Variants in CDK12 observed in about 807,000 individuals in gnomAD.
CDK12 encodes cyclin-dependent kinase 12.
A neutral mutation model predicts 133.8 loss-of-function variants in CDK12; 17 were observed. That is an observed-to-expected ratio of 0.13 (90% confidence interval 0.09 to 0.19). The LOEUF is 0.19. CDK12 is among the 10% of genes least tolerant of loss of function. CDK12 has a pLI of 1.00. For synonymous variants in CDK12, 694 were observed against 683.6 expected (o/e 1.02, Z -0.24); for missense variants, 1,508 against 1,818.7 (o/e 0.83, Z 3.11).
At chr17:39,538,646 C>T (rs1447547780), downstream of CDK12, among the ~76,000 whole-genome samples, 1 of 152,178 alleles carries the variant, frequency 6.6e-6, no homozygotes, top group South Asian at 2.1e-4. Flanking sequence ...CGCCTGTAAT[C>T]CCAGCACTTT....
chr17:39,518,631 T>C (rs182506418), intron 10 of CDK12, among the ~76,000 whole-genome samples: 5 of 151,982 alleles, frequency 3.3e-5, no homozygotes, highest in Non-Finnish European at 7.4e-5. Context: ...CGATCTTGGC[T>C]CACCACAACC....
chr17:39,499,702 T>TG (rs1426676379), intron 5 of CDK12, among the ~76,000 whole-genome samples: 11 of 151,342 alleles, frequency 7.3e-5, no homozygotes, highest in Non-Finnish European at 1.2e-4. Flanking sequence ...TTAGTAGAGA[T>TG]GGGGTTTCAC....
chr17:39,552,036 C>G lies in CDK12; in HGVS notation n.356+894C>G, dbSNP rs370084149. 4.2e-4 allele frequency among the ~76,000 whole-genome samples: 64 copies of G among 152,218 alleles called. No homozygotes were observed. The East Asian group carries it at 7.3e-3, about 17-fold the overall frequency. ...CCTTCCCCCACCCAAGAGTTGCCTT[C>G]TCTTCCCCATTTTATATCCCCAAAT... On this transcript the variant is annotated intron_variant and non_coding_transcript_variant, in intron 2 of 3. Transcript: ENST00000558240.
At position 39,526,122 on chromosome 17, in the gene CDK12, T is replaced by G. The variant is rs56362165; in HGVS notation, c.3566T>G (p.Leu1189Arg). ...GAAGCACCCTCTGCCCCAGTGATCC[T>G]GCCTTCAGCAGAACAGACGACCCTT... is the stretch of plus-strand genomic sequence containing the variant. ...LKEAPSAPVI[L>R]PSAEQTTLEA... Residue 1189 changes from leucine (L) to arginine (R), a missense_variant, in exon 13 of 14, where the codon CTG becomes CGG. Coordinates refer to ENST00000447079, the MANE Select transcript of CDK12 (RefSeq NM_016507.4). 1.9e-6 allele frequency: 3 copies of G among 1,614,206 alleles called. No homozygotes were observed. The African/African-American group carries it at 4.0e-5, about 22-fold the overall frequency.
chr17:39,525,540 T>A (rs1289757014), intron 12 of CDK12, among the ~76,000 whole-genome samples: 3 of 152,232 alleles, frequency 2.0e-5, no homozygotes, highest in Admixed American at 1.3e-4. Flanking sequence ...CTGAGGCATC[T>A]GAATAGGAGA....
chr17:39,516,660 C>CTT (rs900007701), intron 9 of CDK12, among the ~76,000 whole-genome samples: 23 of 116,002 alleles, frequency 2.0e-4, no homozygotes, highest in Admixed American at 3.7e-4. Flanking sequence ...CTAATGCAGA[C>CTT]TTTTTTTTTT....
In CDK12 at chr17:39,509,755, A is replaced by AAGAG; in HGVS notation, c.2663_2666dup (p.Ser889ArgfsTer67). On this transcript the variant is annotated frameshift_variant, in exon 7 of 14. Transcript: ENST00000447079. LOFTEE classifies it high-confidence loss of function. ...GGACTTGCTCGGCTCTATAACTCTG[A>AAGAG]AGAGAGGTAAGGCATTAATTAAAAT... 6.2e-7 allele frequency: 1 copy of AAGAG among 1,606,110 alleles called. No homozygotes were observed.
chr17:39,461,721 C>T lies in CDK12; in HGVS notation c.-351C>T, dbSNP rs370074587. The T allele has an allele frequency of 1.7e-4, 58 of 339,390 alleles. No individual in the cohort carries two copies. The highest frequency in any genetic ancestry group is 1.1e-3 in the African/African-American group (53 of 48,944). 21.0% of individuals were successfully genotyped at this position (339,390 alleles called of 1,614,324 possible). A position where few individuals can be genotyped will look rare whatever the true frequency, so the allele number is the denominator to read the frequency against. On this transcript the variant is annotated 5_prime_UTR_variant, in exon 1 of 14. Coordinates refer to ENST00000447079, the MANE Select transcript of CDK12 (RefSeq NM_016507.4). ...CAGGGCCCCAGAGCTGGAGTCGGCTCCACAGCCCCGGGCCGTCGGCTTCTC... is the reference window on the plus strand; with the variant it reads ...CAGGGCCCCAGAGCTGGAGTCGGCTTCACAGCCCCGGGCCGTCGGCTTCTC...
intron 2 of CDK12, among the ~76,000 whole-genome samples, chr17:39,556,073 A>G (rs937253601): frequency 6.6e-6 from 1 of 150,424 alleles, no homozygotes; most frequent in South Asian, 2.1e-4. Flanking sequence ...ACGATGCCAC[A>G]TGCTCCCTAA....
At chr17:39,496,293 G>A (rs1321035187) in intron 5 of CDK12, among the ~76,000 whole-genome samples, 1 of 152,078 alleles carries the variant, frequency 6.6e-6, no homozygotes, top group East Asian at 1.9e-4. Flanking sequence ...TGTATAACTT[G>A]TCATAAGCAA....
At chr17:39,501,473 C>A (rs2146148205) in intron 6 of CDK12, 34 bp downstream of exon 6, 1 of 1,440,040 alleles carries the variant, frequency 6.9e-7, no homozygotes, top group Non-Finnish European at 9.6e-7. Flanking sequence ...TAAGCACTTT[C>A]CTCTTCTCCT....
chr17:39,510,888 C>T (rs1411958147), intron 7 of CDK12, among the ~76,000 whole-genome samples: 5 of 143,050 alleles, frequency 3.5e-5, no homozygotes, highest in South Asian at 5.0e-4. Context: ...GCTGGGATTA[C>T]GGGCGTGAGC....
intron 10 of CDK12, among the ~76,000 whole-genome samples, chr17:39,518,738 T>C (rs2053971014): frequency 6.6e-6 from 1 of 151,854 alleles, no homozygotes; most frequent in African/African-American, 2.4e-5. Flanking sequence ...TTTGTATTTT[T>C]AGTAGAGATG....
In CDK12 at chr17:39,462,234, T is replaced by C. The variant is rs1413001100; in HGVS notation, c.163T>C (p.Leu55=). 4 of 1,613,942 alleles carry C rather than the reference T, an allele frequency of 2.5e-6. No homozygotes were observed. In the African/African-American group the frequency reaches 5.3e-5, roughly 22 times the overall value. The change falls in exon 1 of 14, where the codon TTG becomes CTG. Residue 55 remains leucine (L), a synonymous_variant. Coordinates refer to ENST00000447079, the MANE Select transcript of CDK12 (RefSeq NM_016507.4). Reference sequence around the variant, plus strand: ...GTCCAAACACTCCAAAGACATGGGGTTGGTGACCCCCGAAGCAGCATCCCT... The same window carrying C: ...GTCCAAACACTCCAAAGACATGGGGCTGGTGACCCCCGAAGCAGCATCCCT... ...HKSKHSKDMG[L]VTPEAASLGT...
chr17:39,560,303 T>A (rs1276418852), intron 3 of CDK12, among the ~76,000 whole-genome samples: 1 of 151,860 alleles, frequency 6.6e-6, no homozygotes, highest in Non-Finnish European at 1.5e-5. Context: ...AACATAAACT[T>A]CTTCTTATAT....
rs2049746485 is a variant in CDK12 at position 39,470,940 on chromosome 17, A to G, written c.1108A>G (p.Ser370Gly). The G allele has an allele frequency of 6.2e-7, 1 of 1,612,958 alleles. No homozygotes were observed. Among genetic ancestry groups the G allele is most frequent in the South Asian group, 1.1e-5 (1 of 90,910 alleles). Reference sequence around the variant, plus strand: ...ATATTCAAGACATTCATCTTCTCATAGTAAAAAGAAGAGATCCAGTTCACG... The same window carrying G: ...ATATTCAAGACATTCATCTTCTCATGGTAAAAAGAAGAGATCCAGTTCACG... ...PAYSRHSSSH[S>G]KKKRSSSRSR... is the part of the protein sequence containing the mutation. Residue 370 changes from serine to glycine, a missense_variant, in exon 2 of 14, where the codon AGT becomes GGT. Physicochemically the swap from Ser to Gly is moderately conservative, Grantham distance 56 (BLOSUM62 0). This residue lies in a region of CDK12 where 460 missense variants were observed against 490.8 expected (regional missense o/e 0.94). Coordinates refer to ENST00000447079, the MANE Select transcript of CDK12 (RefSeq NM_016507.4).
intron 2 of CDK12, among the ~76,000 whole-genome samples, chr17:39,556,069 C>G (rs2056153789): frequency 1.3e-5 from 2 of 151,602 alleles, no homozygotes. Flanking sequence ...TGCCACGATG[C>G]CACATGCTCC....
intron 2 of CDK12, among the ~76,000 whole-genome samples, chr17:39,474,503 T>C (rs1367063901): frequency 2.0e-5 from 3 of 152,044 alleles, no homozygotes; most frequent in Non-Finnish European, 2.9e-5. Flanking sequence ...TTTGTAGACA[T>C]GGGGTTACAT....
intron 6 of CDK12, among the ~76,000 whole-genome samples, chr17:39,503,261 C>A (rs748137815): frequency 1.2e-4 from 18 of 152,054 alleles, no homozygotes; most frequent in Non-Finnish European, 2.4e-4. Context: ...TTAGTAGAGA[C>A]GGGATTTCAC....
Sources: gnomAD v4.1 joint callset for allele counts (sites outside exome capture counted in the v4.1 genomes callset) on GRCh38, gnomAD v4.1.1 for gene constraint, gnomAD v4.1.1 regional missense constraint, MANE v1.5 for transcripts, NCBI Gene and HGNC (gene_info 2026-07-23, HGNC 2026-07-21) for gene names.